PLEKHM3: variants seen among roughly 807,000 people sequenced by gnomAD.
PLEKHM3 encodes the protein pleckstrin homology domain-containing family M member 3.
Under a neutral mutation model 81.8 loss-of-function variants are expected in PLEKHM3, and 45 were observed. The observed-to-expected ratio is 0.55, with a 90% CI of 0.43 to 0.71. PLEKHM3 has a LOEUF of 0.71. Ranked by LOEUF, PLEKHM3 falls within the 30% of genes least tolerant of loss-of-function variation. The pLI is 0.00. For missense variants in PLEKHM3, 788 were observed against 924.3 expected, an observed-to-expected ratio of 0.85 and a Z score of 1.91; for synonymous variants, 352 against 356.4, an observed-to-expected ratio of 0.99 and a Z score of 0.14.
intron 6 of PLEKHM3, among the ~76,000 whole-genome samples, chr2:207,883,930 A>G (rs1687791926): frequency 6.6e-6 from 1 of 152,228 alleles, no homozygotes; most frequent in Admixed American, 6.5e-5. Context: ...ATATTAATAA[A>G]GAACAAAAGC....
intron 7 of PLEKHM3, among the ~76,000 whole-genome samples, chr2:207,828,874 G>A (rs948208453): frequency 6.6e-6 from 1 of 152,086 alleles, no homozygotes; most frequent in South Asian, 2.1e-4. Context: ...GAAAACGCTC[G>A]GCACACCAGT....
chr2:207,846,408 G>C (rs1386797259), intron 7 of PLEKHM3, among the ~76,000 whole-genome samples: 1 of 152,126 alleles, frequency 6.6e-6, no homozygotes, highest in South Asian at 2.1e-4. Context: ...CCAAAGTGCT[G>C]GGATTACAGG....
intron 5 of PLEKHM3, among the ~76,000 whole-genome samples, chr2:207,927,959 A>T: frequency 6.6e-6 from 1 of 152,264 alleles, no homozygotes; most frequent in East Asian, 1.9e-4. Context: ...TAGAAAAACA[A>T]TTTTTTAATA....
Position 208,001,727 on chromosome 2 carries a change from C to T in PLEKHM3, c.-88G>A. 1 of 1,518,428 alleles carries T rather than the reference C, an allele frequency of 6.6e-7. No homozygotes were observed. The allele number at this position is 1,518,428 out of a possible 1,614,324, so 94.1% of individuals were successfully genotyped here. A position where few individuals can be genotyped will look rare whatever the true frequency, so the allele number is the denominator to read the frequency against. ...CACCCAACCAAGAGGGGTGCTTCAG[C>T]AATAGAGCTATGGAAACAACTGGAA... On this transcript the variant is annotated 5_prime_UTR_variant, in exon 2 of 8. Transcript: ENST00000427836.
At chr2:207,896,054 T>C (rs1375967164) in intron 6 of PLEKHM3, among the ~76,000 whole-genome samples, 1 of 152,190 alleles carries the variant, frequency 6.6e-6, no homozygotes, top group East Asian at 1.9e-4. Context: ...CCCAGAAGCC[T>C]GGATACTTCG....
At position 208,024,522 on chromosome 2, in the gene PLEKHM3, C is replaced by T. The variant is rs1693251587; in HGVS notation, c.-319+867G>A. 2.0e-5 allele frequency among the ~76,000 whole-genome samples: 3 copies of T among 152,130 alleles called. No individual in the cohort carries two copies. The South Asian group carries it at 6.2e-4, about 32-fold the overall frequency. ...ATATTTTTAGAGACTAGATATATAGCCCAGCTTTTGTTAAGGCATTTTCTT... is the reference window on the plus strand; with the variant it reads ...ATATTTTTAGAGACTAGATATATAGTCCAGCTTTTGTTAAGGCATTTTCTT... On this transcript the variant is annotated intron_variant, in intron 1 of 7. Transcript: ENST00000427836.
intron 3 of PLEKHM3, among the ~76,000 whole-genome samples, chr2:207,954,101 T>C (rs1349482910): frequency 6.6e-6 from 1 of 152,146 alleles, no homozygotes; most frequent in Non-Finnish European, 1.5e-5. Context: ...ATGGGAGGAT[T>C]GCTTGTGGCC....
intron 4 of PLEKHM3, among the ~76,000 whole-genome samples, chr2:207,943,493 G>A (rs563650317): frequency 1.4e-4 from 22 of 152,290 alleles, no homozygotes; most frequent in African/African-American, 4.6e-4. Context: ...AGAATCCTAA[G>A]CCTAGAGTGC....
At chr2:207,969,119 A>T (rs1389709781) in intron 3 of PLEKHM3, among the ~76,000 whole-genome samples, 1 of 152,188 alleles carries the variant, frequency 6.6e-6, no homozygotes, top group African/African-American at 2.4e-5. Flanking sequence ...TTTGGCTACT[A>T]AAGGACCCCC....
chr2:207,986,969 T>C (rs1234112238), intron 2 of PLEKHM3, among the ~76,000 whole-genome samples: 1 of 151,220 alleles, frequency 6.6e-6, no homozygotes, highest in Non-Finnish European at 1.5e-5. Flanking sequence ...TGTGAGCCAC[T>C]ACACTCGCCC....
intron 7 of PLEKHM3, among the ~76,000 whole-genome samples, chr2:207,858,254 A>G (rs1431564847): frequency 6.7e-6 from 1 of 148,752 alleles, no homozygotes; most frequent in African/African-American, 2.5e-5. Flanking sequence ...GCTCACTGCA[A>G]TCTCTGCCTC....
chr2:207,977,482 T>C lies in PLEKHM3; in HGVS notation c.715A>G (p.Asn239Asp), dbSNP rs755355080. ...CTGTCGAGGCTGTAGAAGTATAAGTTGTAAGGTGAAAGTTCTGCATAACAG... is the reference window on the plus strand; with the variant it reads ...CTGTCGAGGCTGTAGAAGTATAAGTCGTAAGGTGAAAGTTCTGCATAACAG... ...QSCYAELSPYNLYFYSLDSSG... is the reference protein window; with the variant it reads ...QSCYAELSPYDLYFYSLDSSG... The change falls in exon 3 of 8, where the codon AAC becomes GAC. Residue 239 changes from asparagine to aspartate, a missense_variant. By Grantham distance (23) the Asn-to-Asp change is conservative. Transcript: ENST00000427836. 3 of 1,614,158 alleles carry C rather than the reference T, an allele frequency of 1.9e-6. No homozygotes were observed. The South Asian group carries it at 3.3e-5, about 18-fold the overall frequency.
Position 207,828,337 on chromosome 2 carries a change from C to T in PLEKHM3, c.2268G>A (p.Leu756=). ...GCTGGAGTCAGGTGTTCTGGTAGGA[C>T]AGCTCGAACATGGTGCAAGCCTCCT... is the stretch of plus-strand genomic sequence containing the variant. ...SLEEACTMFE[L]SYQNT is the part of the protein sequence containing the mutation. The change falls in exon 8 of 8, where the codon CTG becomes CTA. Residue 756 remains leucine, a synonymous_variant. Transcript: ENST00000427836. 4 of 1,612,866 alleles carry T rather than the reference C, an allele frequency of 2.5e-6. No homozygotes were observed. Among genetic ancestry groups the T allele is most frequent in the South Asian group, 1.1e-5 (1 of 90,894 alleles).
intron 6 of PLEKHM3, among the ~76,000 whole-genome samples, chr2:207,898,902 A>G (rs1331193118): frequency 6.6e-6 from 1 of 152,194 alleles, no homozygotes; most frequent in Non-Finnish European, 1.5e-5. Context: ...TCTCAAAAAA[A>G]TAAATAAATA....
intron 3 of PLEKHM3, among the ~76,000 whole-genome samples, chr2:207,972,586 CAA>C (rs35602924): frequency 2.5e-4 from 15 of 59,614 alleles, no homozygotes; most frequent in East Asian, 4.7e-4. Flanking sequence ...GACTCCGTCT[CAA>C]AAAAAAAAAA....
intron 3 of PLEKHM3, among the ~76,000 whole-genome samples, chr2:207,966,891 G>T (rs1690934126): frequency 6.6e-6 from 1 of 152,186 alleles, no homozygotes; most frequent in Non-Finnish European, 1.5e-5. Flanking sequence ...ATACATAACT[G>T]AAGTTTCCAG....
chr2:207,861,388 A>G (rs753974349), intron 6 of PLEKHM3, 126 bp from the exon 7 acceptor site: 1 of 1,075,802 alleles, frequency 9.3e-7, no homozygotes, highest in Non-Finnish European at 1.3e-6. Context: ...TTTCTCAGCA[A>G]CTCTGAGGAA....
At chr2:207,946,909 C>T (rs545144128) in intron 3 of PLEKHM3, among the ~76,000 whole-genome samples, 25 of 152,292 alleles carry the variant, frequency 1.6e-4, no homozygotes, top group African/African-American at 6.0e-4. Flanking sequence ...AGCACCACTT[C>T]TCTATGAGGA....
intron 7 of PLEKHM3, among the ~76,000 whole-genome samples, chr2:207,859,224 C>T (rs555497993): frequency 9.3e-5 from 14 of 150,642 alleles, no homozygotes; most frequent in South Asian, 8.4e-4. Context: ...CCGCAACCTC[C>T]GCCTCCCTGG....
Sources: allele counts gnomAD v4.1 joint callset (sites outside exome capture counted in the v4.1 genomes callset), GRCh38; gene constraint gnomAD v4.1.1; transcripts MANE v1.5; gene names NCBI Gene and HGNC (gene_info 2026-07-23, HGNC 2026-07-21).